The following VNN1 variants were observed in gnomAD, a reference collection of about 807,000 sequenced individuals.
The protein encoded by VNN1 is pantetheinase.
A neutral mutation model predicts 41.9 loss-of-function variants in VNN1; 29 were observed. The observed-to-expected ratio is 0.69, with a 90% confidence interval of 0.52 to 0.94. The LOEUF (loss-of-function observed/expected upper bound fraction) is 0.94. Ranked by LOEUF, VNN1 falls within the 40% of genes least tolerant of loss-of-function variation. The pLI is 0.00. For missense variants in VNN1, 637 were observed against 621.1 expected (o/e 1.03, Z -0.27); for synonymous variants, 233 against 224.4 (o/e 1.04, Z -0.34).
At chr6:132,700,889 C>A (rs1222439301) in intron 2 of VNN1, among the ~76,000 whole-genome samples, 3 of 152,124 alleles carry the variant, frequency 2.0e-5, no homozygotes, top group Non-Finnish European at 4.4e-5. Context: ...TTCTCTGAAG[C>A]CTTTCTCCAT....
Position 132,683,318 on chromosome 6 carries a change from G to C in VNN1, c.1364C>G (p.Ser455Ter). Reference sequence around the variant, plus strand: ...CAGACTAAACAAGCGTCCGTCAGTTGACACCTGATTAAAACAAAAAAGTAG... The same window carrying C: ...CAGACTAAACAAGCGTCCGTCAGTTCACACCTGATTAAAACAAAAAAGTAG... ...NQLAPGEFQV[S>*]TDGRLFSLKP... The change falls in exon 7 of 7, where the codon TCA becomes TGA. Residue 455 changes from serine (S) to a stop codon, truncating the protein, a stop_gained. Coordinates refer to ENST00000367928, the MANE Select transcript of VNN1 (RefSeq NM_004666.3). LOFTEE classifies it low-confidence loss of function (END_TRUNC). 2 of 1,611,586 alleles carry C rather than the reference G, an allele frequency of 1.2e-6. No homozygotes were observed. Among genetic ancestry groups the C allele is most frequent in the South Asian group, 1.1e-5 (1 of 90,348 alleles).
chr6:132,704,535 T>C (rs796698512), intron 2 of VNN1, among the ~76,000 whole-genome samples: 6 of 152,074 alleles, frequency 3.9e-5, no homozygotes, highest in African/African-American at 1.4e-4. Context: ...ATGCAACATA[T>C]CAAAACTTAT....
rs373542304 is a variant in VNN1 at position 132,681,668 on chromosome 6, G to A, written c.*1472C>T. 10 of 152,550 alleles carry A rather than the reference G, an allele frequency of 6.6e-5. No individual in the cohort carries two copies. The South Asian group carries it at 1.0e-3, about 16-fold the overall frequency. 9.4% of individuals were successfully genotyped at this position (152,550 alleles called of 1,614,324 possible). A position where few individuals can be genotyped will look rare whatever the true frequency, so the allele number is the denominator to read the frequency against. ...TCTGTTTTACATTGAAATTATATGA[G>A]AATACAGAGAATTGCTCTGAGGATT... is the stretch of plus-strand genomic sequence containing the variant. On this transcript the variant is annotated 3_prime_UTR_variant, in exon 7 of 7. Coordinates refer to ENST00000367928, the MANE Select transcript of VNN1 (RefSeq NM_004666.3).
rs2114324034 is a variant in VNN1, at chr6:132,681,717, C to A, written c.*1423G>T. On this transcript the variant is annotated 3_prime_UTR_variant, in exon 7 of 7. Transcript: ENST00000367928. The stretch of plus-strand genomic sequence containing the variant: ...TTCCTGTTTCTAAATACATTATGGG[C>A]TTTCTTATTTTCTATTAGGTCTTGA... 6.6e-6 allele frequency: 1 copy of A among 152,550 alleles called. No individual in the cohort carries two copies. The highest frequency in any genetic ancestry group is 6.5e-5 in the Admixed American group (1 of 15,282). 9.4% of individuals were successfully genotyped at this position (152,550 alleles called of 1,614,324 possible).
chr6:132,713,097 T>C (rs1778627382), intron 1 of VNN1, among the ~76,000 whole-genome samples: 3 of 152,212 alleles, frequency 2.0e-5, no homozygotes. Context: ...ATCACACCAC[T>C]ATACTCCATC....
At chr6:132,700,400 G>A (rs1778434548) in intron 2 of VNN1, among the ~76,000 whole-genome samples, 1 of 152,210 alleles carries the variant, frequency 6.6e-6, no homozygotes, top group Admixed American at 6.5e-5. Context: ...GCCCTGACAA[G>A]GATGGGACAA....
chr6:132,684,581 C>T (rs1225963212), intron 5 of VNN1, 76 bp from the exon 6 acceptor site: 6 of 1,505,690 alleles, frequency 4.0e-6, no homozygotes, highest in Non-Finnish European at 4.6e-6. Context: ...TTAATCATTT[C>T]ACGGTGTGTA....
chr6:132,707,650 C>T (rs562137745), intron 2 of VNN1, among the ~76,000 whole-genome samples: 5 of 152,072 alleles, frequency 3.3e-5, no homozygotes, highest in South Asian at 2.1e-4. Context: ...TGTGAAATAA[C>T]GTAAGTTAGG....
chr6:132,709,060 C>T (rs956754457), intron 2 of VNN1, among the ~76,000 whole-genome samples: 5 of 152,224 alleles, frequency 3.3e-5, no homozygotes, highest in African/African-American at 1.2e-4. Flanking sequence ...CCTCAGACGA[C>T]CTTTTAAAAT....
chr6:132,698,037 G>A lies in VNN1; in HGVS notation c.342-3855C>T, dbSNP rs758998744. ...TGTATTCTAATATATTTCAATTCAAGCTACATTTCTCAGGCTGTTTGGCGT... is the reference window on the plus strand; with the variant it reads ...TGTATTCTAATATATTTCAATTCAAACTACATTTCTCAGGCTGTTTGGCGT... On this transcript the variant is annotated intron_variant, in intron 2 of 6. Coordinates refer to ENST00000367928, the MANE Select transcript of VNN1 (RefSeq NM_004666.3). 6.2e-4 allele frequency among the ~76,000 whole-genome samples: 95 copies of A among 152,180 alleles called. 1 individual carries two copies. Among genetic ancestry groups the A allele is most frequent in the Admixed American group, 2.0e-4 (3 of 15,286 alleles).
At chr6:132,712,252 C>T (rs984933838) in intron 1 of VNN1, among the ~76,000 whole-genome samples, 1 of 151,242 alleles carries the variant, frequency 6.6e-6, no homozygotes, top group Non-Finnish European at 1.5e-5. Context: ...CGGGTTCAAG[C>T]GATTCTCCCG....
rs61729583 is a variant in VNN1 at position 132,683,142 on chromosome 6, A to G, written c.1540T>C (p.Ter514GlnextTer13). 8,137 of 1,578,474 alleles carry G rather than the reference A, an allele frequency of 5.2e-3. 377 individuals carry two copies. The African/African-American group carries it at 0.099, about 19-fold the overall frequency. ...IAPIVCSLSW[*>Q] ...AAAAAAGAGAAAAAGTCAATATTCT[A>G]CCAACTTAATGAGCATACAATAGGT... The change falls in exon 7 of 7, where the codon TAG (stop) becomes CAG (glutamine). Residue 514 changes from the stop codon to glutamine (Q), a stop_lost. Transcript: ENST00000367928.
intron 5 of VNN1, among the ~76,000 whole-genome samples, chr6:132,688,020 T>C (rs776005489): frequency 3.2e-4 from 48 of 152,188 alleles, no homozygotes; most frequent in Non-Finnish European, 5.6e-4. Context: ...TCTTTGTGTC[T>C]CTTCCCTTGG....
chr6:132,684,583 C>T (rs1778180557), intron 5 of VNN1, 78 bp from the exon 6 acceptor site: 12 of 1,479,116 alleles, frequency 8.1e-6, no homozygotes, highest in South Asian at 4.8e-5. Context: ...AATCATTTCA[C>T]GGTGTGTACA....
chr6:132,685,831 C>T (rs1043153919), intron 5 of VNN1, among the ~76,000 whole-genome samples: 8 of 152,128 alleles, frequency 5.3e-5, no homozygotes, highest in South Asian at 2.1e-4. Context: ...CAGTAAATAA[C>T]GGAGAATGTT....
Position 132,692,665 on chromosome 6 carries a change from CATATTCACATTTTACTCTCTCTA to C in VNN1, c.827-104_827-82del, listed in dbSNP as rs1198465376. Reference sequence around the variant, plus strand: ...ATAATTGTTATTACTATTTTAACCTCATATTCACATTTTACTCTCTCTAAGTTATATGTTTTATTAATTTCAGT... The same window carrying C: ...ATAATTGTTATTACTATTTTAACCTCAGTTATATGTTTTATTAATTTCAGT... On this transcript the variant is annotated intron_variant, in intron 4 of 6. Transcript: ENST00000367928. 166 of 1,461,358 alleles carry C rather than the reference CATATTCACATTTTACTCTCTCTA, an allele frequency of 1.1e-4. 4 individuals are homozygous for C. The East Asian group carries it at 1.9e-3, about 17-fold the overall frequency. The allele number at this position is 1,461,358 out of a possible 1,614,324, so 90.5% of individuals were successfully genotyped here.
At chr6:132,706,662 A>T (rs1197536875) in intron 2 of VNN1, among the ~76,000 whole-genome samples, 1 of 152,186 alleles carries the variant, frequency 6.6e-6, no homozygotes, top group Non-Finnish European at 1.5e-5. Flanking sequence ...AAATGGAATC[A>T]CATGAAGGTA....
At chr6:132,702,144 C>G (rs918218354) in intron 2 of VNN1, among the ~76,000 whole-genome samples, 15 of 152,190 alleles carry the variant, frequency 9.9e-5, no homozygotes, top group Admixed American at 9.2e-4. Flanking sequence ...ACGGCAGTAC[C>G]AGTCCATGGC....
chr6:132,700,197 G>A (rs1258534864), intron 2 of VNN1, among the ~76,000 whole-genome samples: 1 of 152,152 alleles, frequency 6.6e-6, no homozygotes. Context: ...AAAACTGTCA[G>A]GGTGTTTTGA....
Sources: allele counts gnomAD v4.1 joint callset (sites outside exome capture counted in the v4.1 genomes callset), GRCh38; gene constraint gnomAD v4.1.1; transcripts MANE v1.5; gene names NCBI Gene and HGNC (gene_info 2026-07-23, HGNC 2026-07-21).